NINJ2: variants seen among roughly 807,000 people sequenced by gnomAD.
NINJ2 encodes ninjurin 2.
A neutral mutation model predicts 11.7 loss-of-function variants in NINJ2; 12 were observed. The ratio of observed to expected loss-of-function variants is 1.02; its 90% confidence interval spans 0.66 to 1.66. NINJ2 has a LOEUF of 1.66. Among genes scored for constraint, NINJ2 ranks in the 40% most tolerant of loss-of-function variants. The pLI is 0.00. For synonymous variants in NINJ2, 93 were observed against 76.8 expected, an observed-to-expected ratio of 1.21 and a Z score of -1.10; for missense variants, 187 against 181.8, an observed-to-expected ratio of 1.03 and a Z score of -0.16.
intron 1 of NINJ2, among the ~76,000 whole-genome samples, chr12:575,478 C>G (rs969658926): frequency 6.6e-5 from 10 of 152,338 alleles, no homozygotes; most frequent in Admixed American, 2.0e-4. Flanking sequence ...CATGCTCCCC[C>G]CAGGGAGAGC....
chr12:631,962 A>T (rs555681722), intron 1 of NINJ2, among the ~76,000 whole-genome samples: 1 of 152,266 alleles, frequency 6.6e-6, no homozygotes, highest in African/African-American at 2.4e-5. Context: ...ATACTTCAAA[A>T]TTATTCCAGA....
intron 1 of NINJ2, among the ~76,000 whole-genome samples, chr12:637,707 T>G (rs1284948286): frequency 6.6e-6 from 1 of 151,940 alleles, no homozygotes; most frequent in Non-Finnish European, 1.5e-5. Flanking sequence ...CAAATGCCAT[T>G]GGGTAGGGCC....
intron 1 of NINJ2, among the ~76,000 whole-genome samples, chr12:620,099 G>A (rs111700799): frequency 7.2e-5 from 11 of 152,300 alleles, no homozygotes; most frequent in South Asian, 2.1e-4. Context: ...GCCCTAAAGC[G>A]TCCTTTCATC....
chr12:652,548 A>G (rs1937809566), intron 1 of NINJ2, among the ~76,000 whole-genome samples: 1 of 152,192 alleles, frequency 6.6e-6, no homozygotes, highest in African/African-American at 2.4e-5. Flanking sequence ...GGAAAATGAA[A>G]TAGGTCAGAA....
chr12:567,305 C>T (rs1947314206), intron 1 of NINJ2, among the ~76,000 whole-genome samples: 1 of 130,258 alleles, frequency 7.7e-6, no homozygotes, highest in African/African-American at 3.3e-5. Context: ...CACGACAGGA[C>T]AGATACCTGC....
chr12:592,560 C>T (rs771496275), intron 1 of NINJ2, among the ~76,000 whole-genome samples: 15 of 152,032 alleles, frequency 9.9e-5, no homozygotes, highest in Non-Finnish European at 1.3e-4. Context: ...ATTAGCCGGG[C>T]GAGGTGGCGC....
intron 1 of NINJ2, among the ~76,000 whole-genome samples, chr12:594,981 T>C (rs752787834): frequency 1.3e-5 from 2 of 152,182 alleles, no homozygotes; most frequent in African/African-American, 2.4e-5. Flanking sequence ...ATCAAAAGGA[T>C]AGACAAGTAG....
At chr12:610,204 G>A (rs987921932) in intron 1 of NINJ2, 7 of 723,802 alleles carry the variant, frequency 9.7e-6, no homozygotes, top group African/African-American at 7.0e-5. Flanking sequence ...CACACACATT[G>A]CCAGACACCC....
intron 1 of NINJ2, chr12:643,056 G>A (rs1948442351): frequency 6.5e-6 from 1 of 152,776 alleles, no homozygotes; most frequent in South Asian, 2.0e-4. Context: ...GTCGGCCCGC[G>A]GGCTACGGCC....
In NINJ2 at chr12:638,629, A is replaced by G. The variant is rs138718802; in HGVS notation, c.33+24699T>C. The stretch of plus-strand genomic sequence containing the variant: ...ACGGGGTTTCACCGTGTTAGCCATG[A>G]TGGTCTTGATGTCCTGACCTCGTGA... On this transcript the variant is annotated intron_variant, in intron 1 of 3. Coordinates refer to ENST00000305108, the MANE Select transcript of NINJ2 (RefSeq NM_016533.6). Among the ~76,000 whole-genome samples, 964 of 152,270 alleles carry G rather than the reference A, an allele frequency of 6.3e-3. 8 individuals carry two copies. The highest frequency in any genetic ancestry group is 0.022 in the African/African-American group (928 of 41,558).
chr12:601,417 G>C (rs543008633), intron 1 of NINJ2, among the ~76,000 whole-genome samples: 127 of 144,116 alleles, frequency 8.8e-4, no homozygotes, highest in African/African-American at 2.4e-3. Flanking sequence ...GCGTGGTGGC[G>C]GGCGCCTGTA....
intron 1 of NINJ2, among the ~76,000 whole-genome samples, chr12:616,324 T>G (rs1171731136): frequency 1.3e-5 from 2 of 152,358 alleles, no homozygotes; most frequent in South Asian, 4.1e-4. Flanking sequence ...GGTTGTGTCC[T>G]GTAAGTTACT....
chr12:611,227 TTTTC>T (rs960162979), intron 1 of NINJ2, among the ~76,000 whole-genome samples: 25 of 144,058 alleles, frequency 1.7e-4, no homozygotes, highest in Admixed American at 1.1e-3. Flanking sequence ...CTTTCTTTCT[TTTTC>T]TTTCTTTCTT....
In NINJ2 at chr12:585,342, C is replaced by T. The variant is rs1036320587; in HGVS notation, c.34-19164G>A. ...TGCCAAGAGGGGTCCATACCAACTT[C>T]CGGAATAAACGAGGCCAAAGGGAAA... is the stretch of plus-strand genomic sequence containing the variant. On this transcript the variant is annotated intron_variant, in intron 1 of 3. Coordinates refer to ENST00000305108, the MANE Select transcript of NINJ2 (RefSeq NM_016533.6). The surrounding 1 kb of genome is among the most constrained non-coding windows in gnomAD (Gnocchi z 4.1). Among the ~76,000 whole-genome samples the T allele has an allele frequency of 2.8e-4, 42 of 152,172 alleles. No individual in the cohort carries two copies. The highest frequency in any genetic ancestry group is 1.0e-3 in the African/African-American group (42 of 41,432).
At chr12:655,200 T>C (rs926760108) in intron 1 of NINJ2, among the ~76,000 whole-genome samples, 2 of 152,212 alleles carry the variant, frequency 1.3e-5, no homozygotes, top group Admixed American at 1.3e-4. Context: ...TACATTGAAT[T>C]TGCATTCAGT....
intron 1 of NINJ2, among the ~76,000 whole-genome samples, chr12:613,046 G>A (rs1487322194): frequency 1.3e-5 from 2 of 152,168 alleles, no homozygotes; most frequent in Admixed American, 6.5e-5. Context: ...TTAGTGACAT[G>A]TCCAAAGCGT....
intron 1 of NINJ2, among the ~76,000 whole-genome samples, chr12:567,970 G>T (rs1947324780): frequency 6.6e-6 from 1 of 152,190 alleles, no homozygotes; most frequent in African/African-American, 2.4e-5. Flanking sequence ...TCGCACCATT[G>T]CACTCTAGCC....
chr12:649,531 G>GTATATATATATATGTATATATA (rs1937755750), intron 1 of NINJ2, among the ~76,000 whole-genome samples: 1 of 127,698 alleles, frequency 7.8e-6, no homozygotes, highest in Non-Finnish European at 1.6e-5. Flanking sequence ...GTGTATATGT[G>GTATATATATATATGTATATATA]TATATATATA....
chr12:648,996 G>GTCTGTCTATCTATCTATCTATCTATCTA (rs10633920), intron 1 of NINJ2, among the ~76,000 whole-genome samples: 13 of 148,912 alleles, frequency 8.7e-5, no homozygotes, highest in Admixed American at 3.4e-4. Flanking sequence ...CTATCTATCT[G>GTCTGTCTATCTATCTATCTATCTATCTA]TCTATCTATC....
Sources: gnomAD v4.1 joint callset for allele counts (sites outside exome capture counted in the v4.1 genomes callset) on GRCh38, gnomAD v4.1.1 for gene constraint, Gnocchi (gnomAD v3.1) non-coding constraint, MANE v1.5 for transcripts, NCBI Gene and HGNC (gene_info 2026-07-23, HGNC 2026-07-21) for gene names.